The following ESR1 variants were observed in gnomAD, a reference collection of about 807,000 sequenced individuals.
ESR1 encodes estrogen receptor.
In ESR1, 12 loss-of-function variants were observed where a neutral mutation model predicts 52.7. The ratio of observed to expected loss-of-function variants is 0.23; its 90% CI spans 0.15 to 0.37. The LOEUF is 0.37. Ranked by LOEUF, ESR1 falls within the 10% of genes least tolerant of loss-of-function variation. ESR1 has a pLI of 1.00. For synonymous variants in ESR1, 305 were observed against 316.8 expected (o/e 0.96, Z 0.39); for missense variants, 584 against 779.7 (o/e 0.75, Z 2.99).
intron 4 of ESR1, among the ~76,000 whole-genome samples, chr6:151,974,468 A>G (rs1369764490): frequency 1.3e-5 from 2 of 152,190 alleles, no homozygotes; most frequent in Non-Finnish European, 2.9e-5. Flanking sequence ...GATCTCCTGT[A>G]CAGATCATAG....
intron 2 of ESR1, among the ~76,000 whole-genome samples, chr6:151,731,180 A>C (rs1043071032): frequency 6.6e-6 from 1 of 151,704 alleles, no homozygotes; most frequent in Non-Finnish European, 1.5e-5. Flanking sequence ...ATATAGTGAA[A>C]CCCCCGTGTC....
chr6:151,890,459 T>C (rs1322853561), intron 3 of ESR1, among the ~76,000 whole-genome samples: 2 of 152,228 alleles, frequency 1.3e-5, no homozygotes, highest in African/African-American at 2.4e-5. Flanking sequence ...GTGTGTTCTG[T>C]TGCTGTTGGA....
chr6:152,120,357 A>G (rs2051285125), intron 6 of ESR1, among the ~76,000 whole-genome samples: 1 of 152,120 alleles, frequency 6.6e-6, no homozygotes, highest in South Asian at 2.1e-4. Flanking sequence ...TTCAACGCCA[A>G]TGGCCACCGC....
intron 4 of ESR1, among the ~76,000 whole-genome samples, chr6:151,970,738 C>T (rs968428686): frequency 6.6e-6 from 1 of 152,188 alleles, no homozygotes; most frequent in Admixed American, 6.5e-5. Context: ...TTTTATTCTC[C>T]TCGCTCTCTC....
At chr6:151,914,457 AG>A (rs1798733918) in intron 3 of ESR1, among the ~76,000 whole-genome samples, 1 of 152,232 alleles carries the variant, frequency 6.6e-6, no homozygotes, top group Admixed American at 6.5e-5. Flanking sequence ...TAAGCAATGA[AG>A]TTGAAGAAAA....
chr6:151,745,732 AT>A (rs1783434002), intron 2 of ESR1, among the ~76,000 whole-genome samples: 5 of 152,132 alleles, frequency 3.3e-5, no homozygotes, highest in Admixed American at 1.3e-4. Context: ...AATTTAAAAA[AT>A]TATATTATTT....
chr6:151,711,556 G>A (rs1452844829), intron 2 of ESR1, among the ~76,000 whole-genome samples: 1 of 152,126 alleles, frequency 6.6e-6, no homozygotes, highest in African/African-American at 2.4e-5. Context: ...CATTCTAACT[G>A]GTGTGAGATG....
rs2047574240 is a variant in ESR1 at position 152,061,902 on chromosome 6, A to T, written c.1369+778A>T. ...GTATTTGGATCTAAGCTCTAGCTCT[A>T]CAGCCTCTGGGACCTAAAGCTCACA... On this transcript the variant is annotated intron_variant, in intron 6 of 7. Transcript: ENST00000206249. This position sits in a 1 kb window ranked among gnomAD's most constrained non-coding sequence, Gnocchi z 4.3. Among the ~76,000 whole-genome samples the T allele has an allele frequency of 1.3e-5, 2 of 152,150 alleles. No homozygotes were observed.
intron 5 of ESR1, among the ~76,000 whole-genome samples, chr6:152,034,035 A>G (rs9479170): frequency 0.44 from 67,303 of 151,710 alleles, 16,974 homozygotes; most frequent in African/African-American, 0.68. Context: ...GCGAACTATC[A>G]CAAGGACAAA....
chr6:152,068,221 A>C (rs2048120893), intron 6 of ESR1, among the ~76,000 whole-genome samples: 2 of 152,244 alleles, frequency 1.3e-5, no homozygotes, highest in Admixed American at 1.3e-4. Flanking sequence ...GTGTTCTGCA[A>C]CGTCCATCAT....
At chr6:151,881,015 T>G (rs1169706219) in intron 3 of ESR1, among the ~76,000 whole-genome samples, 1 of 152,204 alleles carries the variant, frequency 6.6e-6, no homozygotes, top group Non-Finnish European at 1.5e-5. Context: ...ATGTAAATAA[T>G]TATATTTTAA....
chr6:151,830,551 T>A (rs1411735042), intron 1 of ESR1, among the ~76,000 whole-genome samples: 2 of 152,198 alleles, frequency 1.3e-5, no homozygotes, highest in African/African-American at 4.8e-5. Context: ...CCATATGCCT[T>A]CTTTCTTGTA....
chr6:151,722,531 A>G (rs1194904241), intron 2 of ESR1, among the ~76,000 whole-genome samples: 1 of 152,186 alleles, frequency 6.6e-6, no homozygotes, highest in Non-Finnish European at 1.5e-5. Context: ...TGAAAGAGGA[A>G]GCAAGAACAT....
At chr6:151,953,978 C>T (rs931090276) in intron 4 of ESR1, among the ~76,000 whole-genome samples, 7 of 152,228 alleles carry the variant, frequency 4.6e-5, no homozygotes, top group Non-Finnish European at 8.8e-5. Context: ...ATTTTTGGCA[C>T]AATTATTACA....
chr6:152,127,702 G>A (rs2053987582), exon 7 of ESR1: 1 of 152,092 alleles, frequency 6.6e-6, no homozygotes, highest in South Asian at 2.1e-4. Flanking sequence ...GCCTTAGAGG[G>A]GAGAGGCTCT....
At chr6:151,913,219 C>A (rs1798546816) in intron 3 of ESR1, among the ~76,000 whole-genome samples, 1 of 152,132 alleles carries the variant, frequency 6.6e-6, no homozygotes, top group Non-Finnish European at 1.5e-5. Context: ...GACCCTCGGC[C>A]TCTACTCCCA....
intron 3 of ESR1, among the ~76,000 whole-genome samples, chr6:151,935,117 T>C (rs1209854481): frequency 1.3e-5 from 2 of 152,196 alleles, no homozygotes; most frequent in Non-Finnish European, 1.5e-5. Flanking sequence ...GCACCTGCCT[T>C]GTGGCTTTGA....
chr6:151,784,617 T>G (rs1000362847), intron 2 of ESR1, among the ~76,000 whole-genome samples: 5 of 152,200 alleles, frequency 3.3e-5, no homozygotes, highest in African/African-American at 1.2e-4. Context: ...AACATGTGAC[T>G]CAGAGTTATA....
Position 152,025,920 on chromosome 6 carries a change from A to G in ESR1, c.1235+14126A>G, listed in dbSNP as rs116991774. On this transcript the variant is annotated intron_variant, in intron 5 of 7. Transcript: ENST00000206249. ...GATTCTAATATATCTTACTTTCATT[A>G]TTATTATTTCCTAAAAATTCAGCAA... 3.4e-4 allele frequency among the ~76,000 whole-genome samples: 52 copies of G among 152,070 alleles called. No individual in the cohort carries two copies. In the East Asian group the frequency reaches 9.8e-3, roughly 29 times the overall value.
Sources: allele counts gnomAD v4.1 joint callset (sites outside exome capture counted in the v4.1 genomes callset), GRCh38; gene constraint gnomAD v4.1.1; non-coding constraint Gnocchi (gnomAD v3.1); transcripts MANE v1.5; gene names NCBI Gene and HGNC (gene_info 2026-07-23, HGNC 2026-07-21).